Variants in ZCCHC7 observed in about 807,000 individuals in gnomAD.
ZCCHC7 encodes zinc finger CCHC-type containing 7.
A neutral mutation model predicts 52.0 loss-of-function variants in ZCCHC7; 35 were observed. The ratio of observed to expected loss-of-function variants is 0.67; its 90% CI spans 0.51 to 0.89. The LOEUF is 0.89. Among genes scored for constraint, ZCCHC7 ranks in the 40% least tolerant of loss-of-function variants. ZCCHC7 has a pLI of 0.00. For synonymous variants in ZCCHC7, 217 were observed against 221.5 expected (o/e 0.98, Z 0.18); for missense variants, 574 against 649.1 (o/e 0.88, Z 1.26).
intron 2 of ZCCHC7, among the ~76,000 whole-genome samples, chr9:37,191,281 A>G (rs1366549970): frequency 6.6e-6 from 1 of 152,142 alleles, no homozygotes; most frequent in East Asian, 1.9e-4. Context: ...ACCATTTTCT[A>G]GGAAGTTTCT....
chr9:37,201,257 T>C (rs1823616811), intron 2 of ZCCHC7, among the ~76,000 whole-genome samples: 1 of 152,304 alleles, frequency 6.6e-6, no homozygotes, highest in South Asian at 2.1e-4. Context: ...TATTTTTGTA[T>C]TACAGTGGCT....
intron 2 of ZCCHC7, among the ~76,000 whole-genome samples, chr9:37,220,409 G>A (rs186718307): frequency 6.2e-4 from 95 of 152,278 alleles, no homozygotes; most frequent in African/African-American, 1.8e-3. Context: ...AGGTATGGTG[G>A]TGCATGTCTG....
intron 2 of ZCCHC7, among the ~76,000 whole-genome samples, chr9:37,285,522 G>C (rs1411549206): frequency 2.0e-5 from 3 of 152,048 alleles, no homozygotes; most frequent in Non-Finnish European, 4.4e-5. Context: ...TTAGGAGCAG[G>C]CTTTTGGGGA....
At chr9:37,147,936 T>G (rs578106738) in intron 2 of ZCCHC7, among the ~76,000 whole-genome samples, 25 of 152,246 alleles carry the variant, frequency 1.6e-4, no homozygotes, top group Admixed American at 1.4e-3. Context: ...GTAAGAGCAC[T>G]GGTGATAATG....
intron 2 of ZCCHC7, among the ~76,000 whole-genome samples, chr9:37,221,296 A>G (rs767005567): frequency 1.1e-4 from 17 of 152,186 alleles, no homozygotes; most frequent in Non-Finnish European, 2.5e-4. Flanking sequence ...AGATTTAAGG[A>G]CCTGAGTAAG....
chr9:37,252,150 G>A (rs929834676), intron 2 of ZCCHC7, among the ~76,000 whole-genome samples: 13 of 152,150 alleles, frequency 8.5e-5, no homozygotes, highest in Admixed American at 3.9e-4. Context: ...AATATTTCTC[G>A]TTTAAACAGC....
intron 2 of ZCCHC7, among the ~76,000 whole-genome samples, chr9:37,295,980 C>T (rs1317192258): frequency 2.0e-5 from 3 of 152,094 alleles, no homozygotes; most frequent in Non-Finnish European, 4.4e-5. Flanking sequence ...TAAATGCCTC[C>T]TAGAGGTCAA....
At chr9:37,305,799 G>A (rs1829274799) in intron 5 of ZCCHC7, 85 bp downstream of exon 5, 1 of 1,421,572 alleles carries the variant, frequency 7.0e-7, no homozygotes, top group Non-Finnish European at 9.7e-7. Flanking sequence ...ATAACTATCA[G>A]TCAGCATACC....
chr9:37,234,710 G>A lies in ZCCHC7; in HGVS notation c.611-67478G>A, dbSNP rs1371750378. On this transcript the variant is annotated intron_variant, in intron 2 of 8. Transcript: ENST00000336755. ...TCTAATAGAGAATCCTATGTACATTGTACACTTCCTTTTTTTTAGAAAAAT... is the reference window on the plus strand; with the variant it reads ...TCTAATAGAGAATCCTATGTACATTATACACTTCCTTTTTTTTAGAAAAAT... Among the ~76,000 whole-genome samples, 5 of 152,268 alleles carry A rather than the reference G, an allele frequency of 3.3e-5. No individual in the cohort carries two copies. The South Asian group carries it at 1.0e-3, about 32-fold the overall frequency.
chr9:37,294,724 C>G (rs1461198715), intron 2 of ZCCHC7, among the ~76,000 whole-genome samples: 1 of 151,632 alleles, frequency 6.6e-6, no homozygotes, highest in Non-Finnish European at 1.5e-5. Context: ...TTTGCTTTTT[C>G]TTTTCAATTT....
Position 37,235,549 on chromosome 9 carries a change from C to T in ZCCHC7, c.611-66639C>T, listed in dbSNP as rs1167408992. 5.0e-5 allele frequency among the ~76,000 whole-genome samples: 5 copies of T among 100,220 alleles called. 1 individual carries two copies. The East Asian group carries it at 1.6e-3, about 32-fold the overall frequency. The allele number at this position is 100,220 out of a possible 152,430, so 65.7% of individuals were successfully genotyped here. A position where few individuals can be genotyped will look rare whatever the true frequency, so the allele number is the denominator to read the frequency against. ...CCCTTCCCCTCCCCCCTCCCCTCCCCTCCCCTCCCCTCCCTTCCCTTCCCT... is the reference window on the plus strand; with the variant it reads ...CCCTTCCCCTCCCCCCTCCCCTCCCTTCCCCTCCCCTCCCTTCCCTTCCCT... On this transcript the variant is annotated intron_variant, in intron 2 of 8. Coordinates refer to ENST00000336755, the MANE Select transcript of ZCCHC7 (RefSeq NM_032226.3).
At chr9:37,176,219 C>T (rs868006324) in intron 2 of ZCCHC7, among the ~76,000 whole-genome samples, 4 of 152,014 alleles carry the variant, frequency 2.6e-5, no homozygotes, top group Non-Finnish European at 5.9e-5. Flanking sequence ...GGACTACAGG[C>T]GCCTGCCACC....
chr9:37,269,639 A>AAAC (rs1827301844), intron 2 of ZCCHC7, among the ~76,000 whole-genome samples: 1 of 146,370 alleles, frequency 6.8e-6, no homozygotes, highest in Non-Finnish European at 1.5e-5. Context: ...AAAAAAAAAA[A>AAAC]AAAAAAACAA....
intron 2 of ZCCHC7, among the ~76,000 whole-genome samples, chr9:37,189,580 G>GT: frequency 6.6e-6 from 1 of 152,140 alleles, no homozygotes; most frequent in East Asian, 1.9e-4. Context: ...TAGAGACGCG[G>GT]TTTCACCATG....
At chr9:37,296,561 C>T (rs1198939504) in intron 2 of ZCCHC7, among the ~76,000 whole-genome samples, 1 of 151,406 alleles carries the variant, frequency 6.6e-6, no homozygotes, top group Non-Finnish European at 1.5e-5. Context: ...TTAAGGATTA[C>T]AGGTATATAC....
At chr9:37,152,415 A>G (rs1042781798) in intron 2 of ZCCHC7, among the ~76,000 whole-genome samples, 2 of 152,108 alleles carry the variant, frequency 1.3e-5, no homozygotes, top group Non-Finnish European at 2.9e-5. Context: ...AAGTCCATAC[A>G]TTATTCAGAT....
chr9:37,314,155 A>G (rs971161169), intron 5 of ZCCHC7, among the ~76,000 whole-genome samples: 1 of 152,242 alleles, frequency 6.6e-6, no homozygotes, highest in Non-Finnish European at 1.5e-5. Flanking sequence ...ATAAATGTGT[A>G]GAAGATAGAG....
chr9:37,178,917 T>C (rs1319852591), intron 2 of ZCCHC7, among the ~76,000 whole-genome samples: 2 of 152,240 alleles, frequency 1.3e-5, no homozygotes, highest in Non-Finnish European at 2.9e-5. Flanking sequence ...ATGACTGATA[T>C]TTTATTTTGC....
chr9:37,197,766 GT>G (rs1358125752), intron 2 of ZCCHC7, among the ~76,000 whole-genome samples: 2 of 151,972 alleles, frequency 1.3e-5, no homozygotes, highest in African/African-American at 4.8e-5. Flanking sequence ...AAAAAAAAAA[GT>G]TTCCGAAATC....
Sources: gnomAD v4.1 joint callset for allele counts (sites outside exome capture counted in the v4.1 genomes callset) on GRCh38, gnomAD v4.1.1 for gene constraint, MANE v1.5 for transcripts, NCBI Gene and HGNC (gene_info 2026-07-23, HGNC 2026-07-21) for gene names.